The following PCDHGA1 variants were observed in gnomAD, a reference collection of about 807,000 sequenced individuals.
PCDHGA1 encodes the protein protocadherin gamma-A1.
PCDHGA1 carries 32 observed loss-of-function variants against 58.0 expected under a neutral mutation model. The observed-to-expected ratio is 0.55, with a 90% CI of 0.42 to 0.74. PCDHGA1 has a LOEUF of 0.74. Among genes scored for constraint, PCDHGA1 ranks in the 30% least tolerant of loss-of-function variants. The pLI is 0.00. For missense variants in PCDHGA1, 1,205 were observed against 1,182.3 expected (o/e 1.02, Z -0.28); for synonymous variants, 498 against 501.1 (o/e 0.99, Z 0.08).
intron 1 of PCDHGA1, chr5:141,362,394 C>A (rs1762476605): frequency 6.2e-7 from 1 of 1,613,932 alleles, no homozygotes; most frequent in Non-Finnish European, 8.5e-7. Flanking sequence ...ATTCCTACAA[C>A]CTGTGTGTTG....
chr5:141,352,605 C>T (rs772049810), intron 1 of PCDHGA1: 1 of 1,613,500 alleles, frequency 6.2e-7, no homozygotes, highest in East Asian at 2.2e-5. Context: ...GATGATCCTT[C>T]TATGGTTGTA....
chr5:141,388,040 G>T (rs1561617548), intron 1 of PCDHGA1: 1 of 1,412,752 alleles, frequency 7.1e-7, no homozygotes, highest in East Asian at 2.5e-5. Context: ...ACCTCGCCAC[G>T]GACCTGGGGT....
chr5:141,332,342 T>G lies in PCDHGA1; in HGVS notation c.1658T>G (p.Leu553Arg). The G allele has an allele frequency of 6.2e-7, 1 of 1,614,204 alleles. No individual in the cohort carries two copies. The highest frequency in any genetic ancestry group is 8.5e-7 in the Non-Finnish European group (1 of 1,180,044). The change falls in exon 1 of 4, where the codon CTG becomes CGG. Residue 553 changes from leucine to arginine, a missense_variant. Physicochemically the swap from Leu to Arg is moderately radical, Grantham distance 102 (BLOSUM62 -2). Transcript: ENST00000517417. This position sits in a 1 kb window ranked among gnomAD's most constrained non-coding sequence, Gnocchi z 4.6. ...SSNVSLSLFLLDQNDNAPEIL... is the reference protein window; with the variant it reads ...SSNVSLSLFLRDQNDNAPEIL... ...AACGTGTCTCTCAGCCTATTCCTGC[T>G]GGACCAGAACGACAACGCGCCCGAG...
At position 141,332,712 on chromosome 5, in the gene PCDHGA1, C is replaced by A. The variant is rs767586094; in HGVS notation, c.2028C>A (p.Gly676=). The A allele has an allele frequency of 6.2e-7, 1 of 1,613,980 alleles. No individual in the cohort carries two copies. The highest frequency in any genetic ancestry group is 1.1e-5 in the South Asian group (1 of 91,086). The change falls in exon 1 of 4, where the codon GGC becomes GGA. Residue 676 remains glycine (G), a synonymous_variant. Transcript: ENST00000517417. This position sits in a 1 kb window ranked among gnomAD's most constrained non-coding sequence, Gnocchi z 4.6. The stretch of plus-strand genomic sequence containing the variant: ...TCTCCGACATCCTGGCCGACCTGGG[C>A]AGCCTCGAGCCCTCCGCCAAACCCA... ...DRISDILADL[G]SLEPSAKPND... is the part of the protein sequence containing the mutation.
In PCDHGA1 at chr5:141,485,507, G is replaced by A. The variant is rs766643911; in HGVS notation, c.2422-9300G>A. 6.8e-6 allele frequency: 11 copies of A among 1,614,174 alleles called. No homozygotes were observed. Among genetic ancestry groups the A allele is most frequent in the Non-Finnish European group, 8.5e-6 (10 of 1,180,036 alleles). ...CGTGCCCCTGGAGTTTGTCACCGAA[G>A]GTCCTTTGGAAATGTACCGAGCAGA... On this transcript the variant is annotated intron_variant, in intron 1 of 3. Transcript: ENST00000517417. The surrounding 1 kb of genome is among the most constrained non-coding windows in gnomAD (Gnocchi z 5.7).
At position 141,405,308 on chromosome 5, in the gene PCDHGA1, GA is replaced by G. The variant is rs776065617; in HGVS notation, c.2421+72204del. 15 of 1,614,096 alleles carry G rather than the reference GA, an allele frequency of 9.3e-6. No individual in the cohort carries two copies. The African/African-American group carries it at 1.9e-4, about 20-fold the overall frequency. On this transcript the variant is annotated intron_variant, in intron 1 of 3. Transcript: ENST00000517417. The stretch of plus-strand genomic sequence containing the variant: ...CACACTCATCAGCCAGCAGAGCTGT[GA>G]GAAAAATGAGCCTTTGTGCGTCTCT...
chr5:141,370,623 G>A (rs1269464778), intron 1 of PCDHGA1: 3 of 1,613,940 alleles, frequency 1.9e-6, no homozygotes, highest in East Asian at 2.2e-5. Flanking sequence ...ATTCTTTACC[G>A]TGAGCCCCGA....
chr5:141,399,260 T>A (rs2093776436), intron 1 of PCDHGA1: 1 of 1,613,614 alleles, frequency 6.2e-7, no homozygotes, highest in South Asian at 1.1e-5. Context: ...AATGGGGAGG[T>A]TAATTGTCAA....
intron 1 of PCDHGA1, among the ~76,000 whole-genome samples, chr5:141,463,179 A>G (rs1261927835): frequency 6.6e-6 from 1 of 152,082 alleles, no homozygotes; most frequent in Non-Finnish European, 1.5e-5. Context: ...GTATGCTCAG[A>G]TTATTATTTA....
At position 141,431,418 on chromosome 5, in the gene PCDHGA1, C is replaced by G. The variant is rs571505529; in HGVS notation, c.2422-63389C>G. On this transcript the variant is annotated intron_variant, in intron 1 of 3. Transcript: ENST00000517417. The surrounding 1 kb of genome is among the most constrained non-coding windows in gnomAD (Gnocchi z 4.8). ...CTTACGGCCTCCGACGGGGGCGACC[C>G]GGTGCGCACAGGCACCGCGCGCATC... is the stretch of plus-strand genomic sequence containing the variant. 6.8e-6 allele frequency: 11 copies of G among 1,613,588 alleles called. No homozygotes were observed. In the South Asian group the frequency reaches 1.1e-4, roughly 16 times the overall value.
At chr5:141,383,542 T>G (rs1779235852) in intron 1 of PCDHGA1, 1 of 1,612,562 alleles carries the variant, frequency 6.2e-7, no homozygotes, top group Non-Finnish European at 8.5e-7. Flanking sequence ...CCTCACAGCC[T>G]CTGATGGCGG....
At chr5:141,355,116 T>A in intron 1 of PCDHGA1, 1 of 1,511,608 alleles carries the variant, frequency 6.6e-7, no homozygotes, top group South Asian at 1.3e-5. Flanking sequence ...GAATGCACTT[T>A]ATTTTGGACC....
chr5:141,476,556 C>G lies in PCDHGA1; in HGVS notation c.2422-18251C>G. On this transcript the variant is annotated intron_variant, in intron 1 of 3. Transcript: ENST00000517417. This position sits in a 1 kb window ranked among gnomAD's most constrained non-coding sequence, Gnocchi z 7.6. ...GAAATGAAATTGGAGATTAGCGAGG[C>G]CGTGGCTCCGGGGACGCGCTTTCCG... The G allele has an allele frequency of 6.2e-7, 1 of 1,614,234 alleles. No homozygotes were observed. The highest frequency in any genetic ancestry group is 8.5e-7 in the Non-Finnish European group (1 of 1,180,036).
chr5:141,356,006 C>T lies in PCDHGA1; in HGVS notation c.2421+22901C>T, dbSNP rs764436423. ...CTACTCACCGTAAAAGCCACTGATCCAGATGAAGGAGCCAATGGAGACGTG... is the reference window on the plus strand; with the variant it reads ...CTACTCACCGTAAAAGCCACTGATCTAGATGAAGGAGCCAATGGAGACGTG... On this transcript the variant is annotated intron_variant, in intron 1 of 3. Transcript: ENST00000517417. The T allele has an allele frequency of 4.3e-6, 7 of 1,613,876 alleles. No homozygotes were observed. The Admixed American group carries it at 1.2e-4, about 27-fold the overall frequency.
rs199519740 is a variant in PCDHGA1 at position 141,394,287 on chromosome 5, A to C, written c.2421+61182A>C. On this transcript the variant is annotated intron_variant, in intron 1 of 3. Transcript: ENST00000517417. ...GAATGCCCAGGTCACTTACTCTGTG[A>C]CCGAGGACACGCTGCAGGGGGCGCC... 122 of 1,613,772 alleles carry C rather than the reference A, an allele frequency of 7.6e-5. No individual in the cohort carries two copies. Among genetic ancestry groups the C allele is most frequent in the Non-Finnish European group, 9.6e-5 (113 of 1,179,878 alleles).
At chr5:141,410,471 G>GC in intron 1 of PCDHGA1, 1 of 1,613,988 alleles carries the variant, frequency 6.2e-7, no homozygotes, top group Non-Finnish European at 8.5e-7. Flanking sequence ...TCTGTGCATT[G>GC]CACATACGGG....
intron 1 of PCDHGA1, chr5:141,389,228 G>A (rs1172706843): frequency 2.5e-6 from 4 of 1,614,024 alleles, no homozygotes; most frequent in African/African-American, 2.7e-5. Context: ...ACAACGCTCC[G>A]GTTTTCTCAC....
chr5:141,468,464 TC>T (rs2099167734), intron 1 of PCDHGA1: 2 of 152,174 alleles, frequency 1.3e-5, no homozygotes, highest in Admixed American at 1.3e-4. Flanking sequence ...GCAAGTTATT[TC>T]TGAGGAGAAT....
intron 1 of PCDHGA1, chr5:141,404,176 A>G (rs763166170): frequency 7.4e-6 from 12 of 1,613,206 alleles, no homozygotes; most frequent in South Asian, 2.2e-5. Context: ...TGACGGCCCA[A>G]ATTCTTGACC....
Sources: allele counts gnomAD v4.1 joint callset (sites outside exome capture counted in the v4.1 genomes callset), GRCh38; gene constraint gnomAD v4.1.1; non-coding constraint Gnocchi (gnomAD v3.1); transcripts MANE v1.5; gene names NCBI Gene and HGNC (gene_info 2026-07-23, HGNC 2026-07-21).